CSMD1: variants seen among roughly 807,000 people sequenced by gnomAD.
CSMD1 encodes the protein CUB and Sushi multiple domains 1, also known as CUB and sushi domain-containing protein 1.
A neutral mutation model predicts 417.5 loss-of-function variants in CSMD1; 213 were observed. That is an observed-to-expected ratio of 0.51 (90% CI 0.46 to 0.57). CSMD1 has a LOEUF of 0.57. Ranked by LOEUF, CSMD1 falls within the 20% of genes least tolerant of loss-of-function variation. The pLI, the probability that CSMD1 is intolerant of heterozygous loss-of-function variation, is 0.00. For synonymous variants in CSMD1, 2,862 were observed against 1,736.8 expected, an observed-to-expected ratio of 1.65 and a Z score of -16.11; for missense variants, 6,923 against 4,529.7, an observed-to-expected ratio of 1.53 and a Z score of -15.17.
At chr8:4,567,713 C>T (rs1227766221) in intron 2 of CSMD1, among the ~76,000 whole-genome samples, 2 of 152,034 alleles carry the variant, frequency 1.3e-5, no homozygotes, top group African/African-American at 4.8e-5. Context: ...TGGGCCAATT[C>T]CAATGTTACT....
chr8:4,909,374 T>C (rs941034286), intron 1 of CSMD1, among the ~76,000 whole-genome samples: 1 of 152,162 alleles, frequency 6.6e-6, no homozygotes, highest in Admixed American at 6.5e-5. Context: ...AATCCCATTT[T>C]ATTTCCTTGA....
In CSMD1 at chr8:4,030,286, G is replaced by T. The variant is rs541789761; in HGVS notation, c.610+1619C>A. Among the ~76,000 whole-genome samples, 134 of 152,306 alleles carry T rather than the reference G, an allele frequency of 8.8e-4. No individual in the cohort carries two copies. The Middle Eastern group carries it at 0.01, about 12-fold the overall frequency. Reference sequence around the variant, plus strand: ...CACTGCCCTAGCAAAGGTTCTCCATGAGGACCGCCACCCATAGCAAACTTC... The same window carrying T: ...CACTGCCCTAGCAAAGGTTCTCCATTAGGACCGCCACCCATAGCAAACTTC... On this transcript the variant is annotated intron_variant, in intron 4 of 69. Coordinates refer to ENST00000635120, the MANE Select transcript of CSMD1 (RefSeq NM_033225.6).
At chr8:3,301,909 T>C (rs552500976) in intron 25 of CSMD1, among the ~76,000 whole-genome samples, 1 of 152,094 alleles carries the variant, frequency 6.6e-6, no homozygotes, top group African/African-American at 2.4e-5. Flanking sequence ...GATGGAGAAA[T>C]GACAGGGCTT....
At chr8:3,116,483 T>C (rs1816878350) in intron 42 of CSMD1, among the ~76,000 whole-genome samples, 1 of 152,124 alleles carries the variant, frequency 6.6e-6, no homozygotes, top group Non-Finnish European at 1.5e-5. Context: ...TGTCTCTGAG[T>C]TCTTCTAATG....
At chr8:4,839,041 A>G (rs1366215218) in intron 1 of CSMD1, among the ~76,000 whole-genome samples, 4 of 152,064 alleles carry the variant, frequency 2.6e-5, no homozygotes, top group Non-Finnish European at 5.9e-5. Flanking sequence ...ACTTTTTGGA[A>G]TTGGTTTTTT....
intron 3 of CSMD1, among the ~76,000 whole-genome samples, chr8:4,321,157 C>A (rs2128884189): frequency 6.6e-6 from 1 of 151,950 alleles, no homozygotes; most frequent in Middle Eastern, 3.4e-3. Context: ...TATTTTTTAT[C>A]CTGTCACCTC....
chr8:3,940,862 C>T (rs760472261), intron 5 of CSMD1, among the ~76,000 whole-genome samples: 10 of 139,170 alleles, frequency 7.2e-5, no homozygotes, highest in East Asian at 4.2e-4. Context: ...ACTAATCATA[C>T]GCTTCTTCCT....
At chr8:4,989,628 G>T (rs574820972) in intron 1 of CSMD1, among the ~76,000 whole-genome samples, 1 of 152,310 alleles carries the variant, frequency 6.6e-6, no homozygotes, top group African/African-American at 2.4e-5. Flanking sequence ...AAGGCCAAAG[G>T]GAAAAGGTAG....
At chr8:3,808,796 A>G (rs771624103) in intron 5 of CSMD1, among the ~76,000 whole-genome samples, 4 of 152,126 alleles carry the variant, frequency 2.6e-5, no homozygotes, top group African/African-American at 4.8e-5. Context: ...GAATTGGAAA[A>G]TTTCAAGGGG....
At chr8:3,478,976 C>T (rs538166885) in intron 11 of CSMD1, among the ~76,000 whole-genome samples, 4 of 152,084 alleles carry the variant, frequency 2.6e-5, no homozygotes, top group South Asian at 2.1e-4. Flanking sequence ...GTGGTCCCTC[C>T]GACCTCCCTC....
At chr8:4,768,011 T>A (rs1385643826) in intron 1 of CSMD1, among the ~76,000 whole-genome samples, 2 of 151,446 alleles carry the variant, frequency 1.3e-5, no homozygotes, top group Non-Finnish European at 3.0e-5. Context: ...CAATTCACAT[T>A]TACGTTCAAC....
At chr8:3,033,629 T>C (rs1810486037) in intron 50 of CSMD1, among the ~76,000 whole-genome samples, 1 of 150,146 alleles carries the variant, frequency 6.7e-6, no homozygotes, top group Non-Finnish European at 1.5e-5. Context: ...GGGAGAGCAT[T>C]AGGACAAATA....
At chr8:4,835,922 T>C (rs2116744778) in intron 1 of CSMD1, among the ~76,000 whole-genome samples, 1 of 152,208 alleles carries the variant, frequency 6.6e-6, no homozygotes, top group African/African-American at 2.4e-5. Flanking sequence ...GTACAGATTA[T>C]AAGTACAAAG....
chr8:4,988,539 C>T (rs1365214870), intron 1 of CSMD1, among the ~76,000 whole-genome samples: 1 of 152,206 alleles, frequency 6.6e-6, no homozygotes, highest in Non-Finnish European at 1.5e-5. Context: ...GTGACACTGA[C>T]TCTAACTGAA....
intron 1 of CSMD1, among the ~76,000 whole-genome samples, chr8:4,765,079 G>A (rs1429376666): frequency 6.6e-6 from 1 of 152,076 alleles, no homozygotes; most frequent in Non-Finnish European, 1.5e-5. Context: ...ATGAGGAACA[G>A]GTATGCAACG....
At chr8:3,480,017 G>A (rs1172217503) in intron 11 of CSMD1, among the ~76,000 whole-genome samples, 2 of 152,258 alleles carry the variant, frequency 1.3e-5, no homozygotes, top group South Asian at 2.1e-4. Flanking sequence ...GTGAACTTGA[G>A]ATCAATGGAA....
At chr8:4,050,406 TTTTA>T (rs1379995928) in intron 3 of CSMD1, among the ~76,000 whole-genome samples, 1 of 151,944 alleles carries the variant, frequency 6.6e-6, no homozygotes, top group Non-Finnish European at 1.5e-5. Flanking sequence ...ATTTTTAAAA[TTTTA>T]TTTAATTTTT....
chr8:4,640,326 C>T (rs1330334903), intron 1 of CSMD1, among the ~76,000 whole-genome samples: 2 of 152,162 alleles, frequency 1.3e-5, no homozygotes, highest in South Asian at 4.1e-4. Context: ...TTTAAAGTAT[C>T]TATGCCTAAG....
chr8:4,492,803 G>A (rs571987064), intron 2 of CSMD1, among the ~76,000 whole-genome samples: 1 of 152,254 alleles, frequency 6.6e-6, no homozygotes, highest in Admixed American at 6.5e-5. Context: ...TCCTTATTCA[G>A]AGCACACAGT....
Sources: gnomAD v4.1 joint callset for allele counts (sites outside exome capture counted in the v4.1 genomes callset) on GRCh38, gnomAD v4.1.1 for gene constraint, MANE v1.5 for transcripts, NCBI Gene and HGNC (gene_info 2026-07-23, HGNC 2026-07-21) for gene names.